The following CTNND2 variants were observed in gnomAD, a reference collection of about 807,000 sequenced individuals.
CTNND2 encodes catenin delta-2.
In CTNND2, 22 loss-of-function variants were observed where a neutral mutation model predicts 144.4. The observed-to-expected ratio is 0.15, with a 90% CI of 0.11 to 0.22. The LOEUF is 0.22. Ranked by LOEUF, CTNND2 falls within the 10% of genes least tolerant of loss-of-function variation. CTNND2 has a pLI of 1.00. For synonymous variants in CTNND2, 751 were observed against 695.6 expected (o/e 1.08, Z -1.25); for missense variants, 1,353 against 1,618.8 (o/e 0.84, Z 2.82).
chr5:11,400,421 G>C (rs1760539675), intron 5 of CTNND2, among the ~76,000 whole-genome samples: 1 of 152,154 alleles, frequency 6.6e-6, no homozygotes, highest in South Asian at 2.1e-4. Context: ...ACGCTGACCT[G>C]AGGGGTCACA....
At chr5:11,803,974 T>C (rs1791848349) in intron 1 of CTNND2, among the ~76,000 whole-genome samples, 1 of 152,182 alleles carries the variant, frequency 6.6e-6, no homozygotes, top group Non-Finnish European at 1.5e-5. Context: ...GTTAAAAATC[T>C]TACCAAATTT....
At chr5:11,225,042 A>G (rs1174003103) in intron 10 of CTNND2, among the ~76,000 whole-genome samples, 2 of 152,100 alleles carry the variant, frequency 1.3e-5, no homozygotes, top group African/African-American at 4.8e-5. Context: ...TGGAGTCAGA[A>G]AGTCATTGTG....
chr5:11,593,753 C>T (rs1779371841), intron 2 of CTNND2, among the ~76,000 whole-genome samples: 1 of 152,200 alleles, frequency 6.6e-6, no homozygotes, highest in African/African-American at 2.4e-5. Context: ...GTCCATTACA[C>T]CTTTTTTCCT....
intron 9 of CTNND2, among the ~76,000 whole-genome samples, chr5:11,279,850 T>C (rs574986524): frequency 3.9e-5 from 6 of 152,044 alleles, no homozygotes; most frequent in Non-Finnish European, 7.4e-5. Context: ...GGATGCCACA[T>C]AGTTTTAAAT....
chr5:11,092,508 G>A (rs1024622), intron 15 of CTNND2, among the ~76,000 whole-genome samples: 20,019 of 152,154 alleles, frequency 0.13, 1,501 homozygotes, highest in African/African-American at 0.21. Context: ...AGAAATCACT[G>A]AGTCCTGTGA....
chr5:11,214,092 G>A (rs1738927533), intron 10 of CTNND2, among the ~76,000 whole-genome samples: 3 of 152,140 alleles, frequency 2.0e-5, no homozygotes, highest in Admixed American at 6.5e-5. Flanking sequence ...AGCTACAGAT[G>A]TTGAGAAGGC....
intron 11 of CTNND2, among the ~76,000 whole-genome samples, chr5:11,197,760 T>C (rs1737016571): frequency 6.6e-6 from 1 of 152,224 alleles, no homozygotes; most frequent in Non-Finnish European, 1.5e-5. Flanking sequence ...GAAGATGTCA[T>C]GTGTCAGGGG....
At chr5:11,521,882 A>T (rs1772757050) in intron 3 of CTNND2, among the ~76,000 whole-genome samples, 1 of 152,138 alleles carries the variant, frequency 6.6e-6, no homozygotes, top group Non-Finnish European at 1.5e-5. Context: ...CAATGGATGC[A>T]CTCCCAACGA....
At chr5:11,541,845 C>A (rs533021083) in intron 3 of CTNND2, among the ~76,000 whole-genome samples, 13 of 144,200 alleles carry the variant, frequency 9.0e-5, no homozygotes, top group Admixed American at 4.1e-4. Context: ...TCGACCCCCC[C>A]CCCCCGGCCA....
At chr5:11,408,624 C>T (rs974588227) in intron 5 of CTNND2, among the ~76,000 whole-genome samples, 2 of 151,886 alleles carry the variant, frequency 1.3e-5, no homozygotes, top group East Asian at 1.9e-4. Flanking sequence ...TAATTCAGTA[C>T]GTGACAATAT....
chr5:11,884,126 T>C (rs1489349011), intron 1 of CTNND2, among the ~76,000 whole-genome samples: 2 of 152,326 alleles, frequency 1.3e-5, no homozygotes, highest in Admixed American at 6.5e-5. Context: ...TTCTGTAGGA[T>C]GCCTGTTCAC....
intron 10 of CTNND2, among the ~76,000 whole-genome samples, chr5:11,215,103 C>T (rs1176805106): frequency 1.3e-5 from 2 of 152,190 alleles, no homozygotes; most frequent in Non-Finnish European, 1.5e-5. Flanking sequence ...CATCTTTAGA[C>T]TGAGCGCAGT....
chr5:11,657,505 T>G (rs1294160718), intron 2 of CTNND2, among the ~76,000 whole-genome samples: 1 of 152,198 alleles, frequency 6.6e-6, no homozygotes, highest in East Asian at 1.9e-4. Context: ...CATTCTTTTC[T>G]TCCTTTCTTA....
rs563545721 is a variant in CTNND2, at chr5:11,068,872, G to A, written c.2788+13824C>T. On this transcript the variant is annotated intron_variant, in intron 16 of 21. Coordinates refer to ENST00000304623, the MANE Select transcript of CTNND2 (RefSeq NM_001332.4). Reference sequence around the variant, plus strand: ...GCGAAGCTTGCAGTGAGCCGAGATCGCACCACTGCACTCCAGCCTGGGCGA... The same window carrying A: ...GCGAAGCTTGCAGTGAGCCGAGATCACACCACTGCACTCCAGCCTGGGCGA... Among the ~76,000 whole-genome samples, 4 of 152,222 alleles carry A rather than the reference G, an allele frequency of 2.6e-5. No homozygotes were observed. In the East Asian group the frequency reaches 7.8e-4, roughly 30 times the overall value.
intron 2 of CTNND2, among the ~76,000 whole-genome samples, chr5:11,572,328 T>C (rs1777626704): frequency 6.6e-6 from 1 of 152,182 alleles, no homozygotes; most frequent in South Asian, 2.1e-4. Flanking sequence ...GTCCCATACT[T>C]CAGGTTTCGG....
intron 2 of CTNND2, among the ~76,000 whole-genome samples, chr5:11,598,680 GA>G (rs1343479233): frequency 4.6e-5 from 7 of 152,158 alleles, no homozygotes; most frequent in Non-Finnish European, 8.8e-5. Context: ...GAAGAGCTGG[GA>G]AAATATATCT....
chr5:11,412,124 AC>A, intron 3 of CTNND2, 55 bp from the exon 4 acceptor site: 3 of 1,433,586 alleles, frequency 2.1e-6, no homozygotes, highest in Non-Finnish European at 2.9e-6. Flanking sequence ...GAAAAATAAA[AC>A]CCTAAAATCT....
At chr5:11,361,282 A>G (rs559509426) in intron 8 of CTNND2, among the ~76,000 whole-genome samples, 31 of 152,088 alleles carry the variant, frequency 2.0e-4, no homozygotes, top group Non-Finnish European at 3.7e-4. Context: ...CGGCCTCCCA[A>G]AGTGCTGGGA....
chr5:11,107,764 C>T (rs1391468758), intron 14 of CTNND2, among the ~76,000 whole-genome samples: 3 of 152,178 alleles, frequency 2.0e-5, no homozygotes, highest in Non-Finnish European at 4.4e-5. Flanking sequence ...GGCTGGGGAA[C>T]AGCTCAAAAC....
Sources: gnomAD v4.1 joint callset for allele counts (sites outside exome capture counted in the v4.1 genomes callset) on GRCh38, gnomAD v4.1.1 for gene constraint, MANE v1.5 for transcripts, NCBI Gene and HGNC (gene_info 2026-07-23, HGNC 2026-07-21) for gene names.